Variants in GRIK3 observed in about 807,000 individuals in gnomAD.
The protein encoded by GRIK3 is glutamate receptor ionotropic, kainate 3.
GRIK3 carries 29 observed loss-of-function variants against 102.5 expected under a neutral mutation model. The ratio of observed to expected loss-of-function variants is 0.28; its 90% confidence interval spans 0.21 to 0.39. GRIK3 has a LOEUF of 0.39. Among genes scored for constraint, GRIK3 ranks in the 10% least tolerant of loss-of-function variants. The pLI is 1.00. For missense variants in GRIK3, 908 were observed against 1,252.4 expected (o/e 0.73, Z 4.15); for synonymous variants, 511 against 504.9 (o/e 1.01, Z -0.16).
chr1:36,998,501 G>T (rs1316643529), intron 1 of GRIK3, among the ~76,000 whole-genome samples: 1 of 152,204 alleles, frequency 6.6e-6, no homozygotes, highest in Non-Finnish European at 1.5e-5. Flanking sequence ...ATGAATGTCT[G>T]CTGGAGAGGT....
intron 13 of GRIK3, among the ~76,000 whole-genome samples, chr1:36,810,067 C>T (rs1035785523): frequency 2.6e-5 from 4 of 152,182 alleles, no homozygotes; most frequent in African/African-American, 9.7e-5. Flanking sequence ...TCTGCTTCCC[C>T]TTAAGTGCTG....
intron 1 of GRIK3, among the ~76,000 whole-genome samples, chr1:36,984,711 C>G (rs1208253952): frequency 6.6e-6 from 1 of 152,250 alleles, no homozygotes; most frequent in African/African-American, 2.4e-5. Flanking sequence ...TCCCAATCCC[C>G]TTTTTCATGG....
At chr1:36,935,817 G>C (rs546282156) in intron 1 of GRIK3, among the ~76,000 whole-genome samples, 1 of 152,344 alleles carries the variant, frequency 6.6e-6, no homozygotes, top group East Asian at 1.9e-4. Context: ...CACCATTCCA[G>C]AGACAGGCAG....
chr1:36,894,914 TCCTCAGGGGAAACTAGTTAGCCAGAGCC>T, intron 1 of GRIK3, among the ~76,000 whole-genome samples: 1 of 152,342 alleles, frequency 6.6e-6, no homozygotes, highest in African/African-American at 2.4e-5. Flanking sequence ...ACAAGGTTTG[TCCTCAGGGGAAACTAGTTAGCCAGAGCC>T]TAACCTGCTG....
intron 1 of GRIK3, among the ~76,000 whole-genome samples, chr1:36,924,996 T>C (rs1641512430): frequency 6.6e-6 from 1 of 152,138 alleles, no homozygotes; most frequent in African/African-American, 2.4e-5. Flanking sequence ...TATTTACAAA[T>C]GGTGAATATG....
At chr1:37,016,300 C>A (rs1642651612) in intron 1 of GRIK3, among the ~76,000 whole-genome samples, 1 of 152,236 alleles carries the variant, frequency 6.6e-6, no homozygotes, top group African/African-American at 2.4e-5. Context: ...ATCACTTACT[C>A]ACTCCACTGG....
chr1:36,941,703 A>T (rs1570811534), intron 1 of GRIK3, among the ~76,000 whole-genome samples: 1 of 152,170 alleles, frequency 6.6e-6, no homozygotes, highest in Non-Finnish European at 1.5e-5. Context: ...CTTTCTAGGC[A>T]TTATCTCCTT....
At chr1:36,887,756 CAAAAA>C (rs375757853) in intron 2 of GRIK3, among the ~76,000 whole-genome samples, 5 of 103,608 alleles carry the variant, frequency 4.8e-5, no homozygotes, top group African/African-American at 1.7e-4. Flanking sequence ...AATTCCATCT[CAAAAA>C]AAAAAAAAAA....
intron 10 of GRIK3, among the ~76,000 whole-genome samples, chr1:36,826,746 G>A (rs992107376): frequency 6.6e-6 from 1 of 152,042 alleles, no homozygotes; most frequent in Non-Finnish European, 1.5e-5. Flanking sequence ...AGGAGGTGGT[G>A]CGGAGTGGAA....
intron 1 of GRIK3, among the ~76,000 whole-genome samples, chr1:36,975,358 G>A (rs962186656): frequency 2.2e-4 from 32 of 142,692 alleles, no homozygotes; most frequent in African/African-American, 8.0e-4. Flanking sequence ...GCAGTGGCAC[G>A]ATCTCAGCTC....
chr1:36,818,861 T>C (rs1557691655), intron 12 of GRIK3, among the ~76,000 whole-genome samples: 1 of 152,106 alleles, frequency 6.6e-6, no homozygotes, highest in Non-Finnish European at 1.5e-5. Flanking sequence ...TCAGTGAAAC[T>C]CTAACAGCAA....
At chr1:36,954,736 C>T (rs573052352) in intron 1 of GRIK3, among the ~76,000 whole-genome samples, 7 of 152,238 alleles carry the variant, frequency 4.6e-5, no homozygotes, top group South Asian at 2.1e-4. Flanking sequence ...CATGTGTACA[C>T]ACCTGTGCAC....
At chr1:36,974,556 T>G (rs1389574446) in intron 1 of GRIK3, among the ~76,000 whole-genome samples, 2 of 152,004 alleles carry the variant, frequency 1.3e-5, no homozygotes, top group Admixed American at 6.6e-5. Flanking sequence ...CCCAGCATTT[T>G]GGGAGGCTGA....
At chr1:36,843,783 C>A (rs974812380) in intron 9 of GRIK3, among the ~76,000 whole-genome samples, 2 of 152,220 alleles carry the variant, frequency 1.3e-5, no homozygotes, top group Admixed American at 1.3e-4. Flanking sequence ...TGCCTCAGCA[C>A]CCCAACGTGA....
intron 10 of GRIK3, among the ~76,000 whole-genome samples, chr1:36,835,540 C>T (rs1223589868): frequency 6.6e-6 from 1 of 152,216 alleles, no homozygotes; most frequent in Non-Finnish European, 1.5e-5. Flanking sequence ...TCTCCACATC[C>T]CTTGCCCTTG....
intron 1 of GRIK3, among the ~76,000 whole-genome samples, chr1:36,961,805 C>T (rs1642013351): frequency 6.6e-6 from 1 of 152,220 alleles, no homozygotes; most frequent in Admixed American, 6.5e-5. Context: ...TATCAAGAGC[C>T]CAGAATGTGA....
intron 4 of GRIK3, among the ~76,000 whole-genome samples, chr1:36,871,716 A>G (rs1311354478): frequency 6.6e-6 from 1 of 152,168 alleles, no homozygotes; most frequent in Non-Finnish European, 1.5e-5. Flanking sequence ...GCCTTGATAA[A>G]GCTCCCAGTA....
At chr1:37,030,530 T>TCC (rs1491125931) in intron 1 of GRIK3, among the ~76,000 whole-genome samples, 26 of 90,048 alleles carry the variant, frequency 2.9e-4, no homozygotes, top group South Asian at 9.1e-4. Context: ...CCCTTCCTTT[T>TCC]CCCCACCCCC....
chr1:36,873,481 A>G (rs1640865087), intron 3 of GRIK3, among the ~76,000 whole-genome samples: 1 of 151,998 alleles, frequency 6.6e-6, no homozygotes, highest in South Asian at 2.1e-4. Context: ...GTTACTCTGT[A>G]TATACTTCCC....
Sources: gnomAD v4.1 joint callset for allele counts (sites outside exome capture counted in the v4.1 genomes callset) on GRCh38, gnomAD v4.1.1 for gene constraint, MANE v1.5 for transcripts, NCBI Gene and HGNC (gene_info 2026-07-23, HGNC 2026-07-21) for gene names.